Variants in CTNNA2 observed in about 807,000 individuals in gnomAD.
CTNNA2 encodes catenin alpha-2.
In CTNNA2, 42 loss-of-function variants were observed where a neutral mutation model predicts 101.0. That is an observed-to-expected ratio of 0.42 (90% CI 0.32 to 0.54). The LOEUF is 0.54. Ranked by LOEUF, CTNNA2 falls within the 20% of genes least tolerant of loss-of-function variation. CTNNA2 has a pLI of 0.14. For missense variants in CTNNA2, 871 were observed against 1,223.1 expected (o/e 0.71, Z 4.29); for synonymous variants, 450 against 456.4 (o/e 0.99, Z 0.18).
At chr2:79,909,900 GT>G in intron 7 of CTNNA2, 103 bp downstream of exon 7, 1 of 1,197,470 alleles carries the variant, frequency 8.4e-7, no homozygotes, top group Non-Finnish European at 1.1e-6. Context: ...CAGACCAGGT[GT>G]TTACCAAAGA....
chr2:79,600,420 C>T (rs1330694241), intron 1 of CTNNA2, among the ~76,000 whole-genome samples: 2 of 152,018 alleles, frequency 1.3e-5, no homozygotes, highest in African/African-American at 4.8e-5. Flanking sequence ...TCAAGCAATC[C>T]ACCCGCCTTG....
chr2:79,606,300 C>T lies in CTNNA2; in HGVS notation c.-5-45252C>T, dbSNP rs138308967. ...TGTTTATTTTTGAGACAGAGTCTCGCTCTGGCACCCAGGCTGGAGTGAAGT... is the reference window on the plus strand; with the variant it reads ...TGTTTATTTTTGAGACAGAGTCTCGTTCTGGCACCCAGGCTGGAGTGAAGT... On this transcript the variant is annotated intron_variant, in intron 1 of 18. Coordinates refer to ENST00000402739, the MANE Select transcript of CTNNA2 (RefSeq NM_001282597.3). Among the ~76,000 whole-genome samples, 782 of 152,272 alleles carry T rather than the reference C, an allele frequency of 5.1e-3. 5 individuals carry two copies. The highest frequency in any genetic ancestry group is 0.015 in the East Asian group (77 of 5,182).
At chr2:80,418,506 C>G (rs1446571208) in intron 8 of CTNNA2, among the ~76,000 whole-genome samples, 1 of 152,080 alleles carries the variant, frequency 6.6e-6, no homozygotes, top group Non-Finnish European at 1.5e-5. Flanking sequence ...CTAAGTTATA[C>G]ATACTTTCAT....
chr2:79,285,144 T>G (rs950619731), intron 2 of CTNNA2, among the ~76,000 whole-genome samples: 1 of 151,740 alleles, frequency 6.6e-6, no homozygotes, highest in Admixed American at 6.6e-5. Context: ...ATTTGATTCT[T>G]TTTTTCTTTA....
At chr2:80,018,867 A>T (rs1048835519) in intron 7 of CTNNA2, among the ~76,000 whole-genome samples, 4 of 151,934 alleles carry the variant, frequency 2.6e-5, no homozygotes, top group Non-Finnish European at 5.9e-5. Flanking sequence ...AAAGGTATCT[A>T]TCATTCTGAA....
chr2:80,152,388 T>C (rs973688724), intron 7 of CTNNA2, among the ~76,000 whole-genome samples: 1 of 152,062 alleles, frequency 6.6e-6, no homozygotes, highest in East Asian at 1.9e-4. Flanking sequence ...TGCATGTGTG[T>C]TCTCTGTATC....
intron 3 of CTNNA2, among the ~76,000 whole-genome samples, chr2:79,786,606 G>T (rs142727322): frequency 4.9e-4 from 74 of 152,074 alleles, no homozygotes; most frequent in African/African-American, 1.7e-3. Flanking sequence ...CCTCAGGTAC[G>T]TTAGAATACA....
At chr2:79,600,817 T>A (rs1302884396) in intron 1 of CTNNA2, among the ~76,000 whole-genome samples, 1 of 152,108 alleles carries the variant, frequency 6.6e-6, no homozygotes, top group Non-Finnish European at 1.5e-5. Context: ...TTCTGGTTTG[T>A]ATACTGCCAT....
intron 3 of CTNNA2, among the ~76,000 whole-genome samples, chr2:79,344,822 A>AATATATAAT (rs891651459): frequency 6.9e-6 from 1 of 145,902 alleles, no homozygotes; most frequent in African/African-American, 2.5e-5. Context: ...TTATATATAT[A>AATATATAAT]ATATATAATA....
At chr2:80,162,333 G>T in intron 7 of CTNNA2, 1 of 1,017,302 alleles carries the variant, frequency 9.8e-7, no homozygotes, top group Non-Finnish European at 1.4e-6. Flanking sequence ...AATGTATAAA[G>T]AAATGTGACA....
At chr2:80,463,262 C>T (rs2149475364) in intron 9 of CTNNA2, among the ~76,000 whole-genome samples, 1 of 152,298 alleles carries the variant, frequency 6.6e-6, no homozygotes, top group East Asian at 1.9e-4. Context: ...TATCCAGTAA[C>T]ATAGACATGT....
rs150754962 is a variant in CTNNA2 at position 80,302,310 on chromosome 2, T to C, written c.1057-90901T>C. On this transcript the variant is annotated intron_variant, in intron 7 of 18. Transcript: ENST00000402739. This position sits in a 1 kb window ranked among gnomAD's most constrained non-coding sequence, Gnocchi z 6.4. The stretch of plus-strand genomic sequence containing the variant: ...CAGGTACACGAGCCATACTCGTTGA[T>C]GATCACCAGGGCTCCCTCAATGTGG... 5 of 1,614,222 alleles carry C rather than the reference T, an allele frequency of 3.1e-6. No homozygotes were observed. The highest frequency in any genetic ancestry group is 1.1e-5 in the South Asian group (1 of 91,078).
At chr2:80,162,324 A>T in intron 7 of CTNNA2, 1 of 946,046 alleles carries the variant, frequency 1.1e-6, no homozygotes, top group Non-Finnish European at 1.5e-6. Flanking sequence ...CTTTAAAAAA[A>T]TGTATAAAGA....
intron 3 of CTNNA2, among the ~76,000 whole-genome samples, chr2:79,343,656 G>A (rs759496114): frequency 6.6e-6 from 1 of 152,074 alleles, no homozygotes. Context: ...CAGGGATTTG[G>A]ATTGCAGGAA....
At chr2:79,278,330 T>C in intron 2 of CTNNA2, among the ~76,000 whole-genome samples, 1 of 152,074 alleles carries the variant, frequency 6.6e-6, no homozygotes, top group East Asian at 1.9e-4. Flanking sequence ...TCTGTATTAA[T>C]GAGGAGAGAC....
At chr2:80,121,735 A>G (rs1701847371) in intron 7 of CTNNA2, among the ~76,000 whole-genome samples, 1 of 152,184 alleles carries the variant, frequency 6.6e-6, no homozygotes, top group African/African-American at 2.4e-5. Flanking sequence ...CCTGTAGGGA[A>G]GGTGAATGGT....
Position 80,232,341 on chromosome 2 carries a change from G to GTT in CTNNA2, c.1057-160868_1057-160867dup, listed in dbSNP as rs1286822049. On this transcript the variant is annotated intron_variant, in intron 7 of 18. Transcript: ENST00000402739. ...TTGGGTTTTGTTTGTTTGTTTGTTT[G>GTT]TTTGTTTTTTTTTTTTTTTTTTTTT... is the stretch of plus-strand genomic sequence containing the variant. Among the ~76,000 whole-genome samples, 523 of 82,012 alleles carry GTT rather than the reference G, an allele frequency of 6.4e-3. 34 individuals carry two copies. Among genetic ancestry groups the GTT allele is most frequent in the African/African-American group, 0.016 (487 of 30,366 alleles). The allele number at this position is 82,012 out of a possible 152,430, so 53.8% of individuals were successfully genotyped here. A position where few individuals can be genotyped will look rare whatever the true frequency, so the allele number is the denominator to read the frequency against.
At chr2:79,840,930 C>T (rs559070458) in intron 3 of CTNNA2, among the ~76,000 whole-genome samples, 1 of 152,252 alleles carries the variant, frequency 6.6e-6, no homozygotes, top group South Asian at 2.1e-4. Context: ...CCACGGCACC[C>T]GGCTAATTTT....
At chr2:79,967,609 G>A (rs1690168185) in intron 7 of CTNNA2, among the ~76,000 whole-genome samples, 1 of 152,156 alleles carries the variant, frequency 6.6e-6, no homozygotes, top group Non-Finnish European at 1.5e-5. Context: ...GGATCAACAA[G>A]ATGAGCTAAT....
Sources: allele counts gnomAD v4.1 joint callset (sites outside exome capture counted in the v4.1 genomes callset), GRCh38; gene constraint gnomAD v4.1.1; non-coding constraint Gnocchi (gnomAD v3.1); transcripts MANE v1.5; gene names NCBI Gene and HGNC (gene_info 2026-07-23, HGNC 2026-07-21).